STK3: variants seen among roughly 807,000 people sequenced by gnomAD.
The protein encoded by STK3 is serine/threonine-protein kinase 3.
Under a neutral mutation model 58.0 loss-of-function variants are expected in STK3, and 41 were observed. The ratio of observed to expected loss-of-function variants is 0.71; its 90% CI spans 0.55 to 0.92. The LOEUF (loss-of-function observed/expected upper bound fraction) is 0.92, where lower values mean the gene tolerates loss of function less well. STK3 is among the 40% of genes least tolerant of loss of function. The pLI is 0.00. For missense variants in STK3, 479 were observed against 602.7 expected (o/e 0.79, Z 2.15); for synonymous variants, 170 against 191.0 (o/e 0.89, Z 0.91).
intron 1 of STK3, among the ~76,000 whole-genome samples, chr8:98,803,593 CAAAAAAAAAAAAAAAGA>C (rs1365342365): frequency 5.1e-5 from 2 of 38,862 alleles, no homozygotes; most frequent in African/African-American, 1.3e-4. Context: ...GACTCTGTTT[CAAAAAAAAAAAAAAAGA>C]AAAAAAAAGA....
At chr8:98,478,102 G>A (rs1440027273) in intron 10 of STK3, among the ~76,000 whole-genome samples, 1 of 152,148 alleles carries the variant, frequency 6.6e-6, no homozygotes, top group Non-Finnish European at 1.5e-5. Flanking sequence ...GTCACATGCT[G>A]CTCTTTGTGA....
intron 8 of STK3, among the ~76,000 whole-genome samples, chr8:98,576,070 T>C (rs781034525): frequency 1.3e-5 from 2 of 152,336 alleles, no homozygotes; most frequent in South Asian, 2.1e-4. Context: ...ACTAAAAGGC[T>C]GCTGTATTTG....
chr8:98,828,450 AAAAAAAAAAAAAAAAC>A (rs1216047476), upstream of STK3, among the ~76,000 whole-genome samples: 4 of 150,232 alleles, frequency 2.7e-5, no homozygotes, highest in Non-Finnish European at 5.9e-5. Flanking sequence ...AAAAAAAAAA[AAAAAAAAAAAAAAAAC>A]AAAAGAAATA....
At chr8:98,766,375 A>G (rs1408615563) in intron 3 of STK3, among the ~76,000 whole-genome samples, 1 of 152,218 alleles carries the variant, frequency 6.6e-6, no homozygotes, top group Non-Finnish European at 1.5e-5. Flanking sequence ...TTAATTAGTA[A>G]AAGTGATTAC....
chr8:98,441,985 A>T (rs1818713377), intron 1 of STK3, among the ~76,000 whole-genome samples: 1 of 152,106 alleles, frequency 6.6e-6, no homozygotes, highest in African/African-American at 2.4e-5. Context: ...CTAAAATTCA[A>T]CATGTCCAAT....
the STK3 span, among the ~76,000 whole-genome samples, chr8:98,347,705 C>G: frequency 1.3e-5 from 2 of 151,974 alleles, no homozygotes; most frequent in Non-Finnish European, 2.9e-5. Flanking sequence ...CAGAGATTGT[C>G]AGAGTGGATA....
chr8:98,546,192 T>C (rs894993427), intron 9 of STK3, among the ~76,000 whole-genome samples: 8 of 152,190 alleles, frequency 5.3e-5, no homozygotes, highest in African/African-American at 1.7e-4. Flanking sequence ...GTCATACCTA[T>C]ACAATCAGTT....
chr8:98,484,079 T>TGAATTAAA (rs1822049422), intron 10 of STK3, among the ~76,000 whole-genome samples: 1 of 61,122 alleles, frequency 1.6e-5, no homozygotes, highest in Non-Finnish European at 3.7e-5. Flanking sequence ...TGTGCCACCA[T>TGAATTAAA]GACTTAAAGA....
intron 1 of STK3, among the ~76,000 whole-genome samples, chr8:98,920,890 C>CT (rs1048755207): frequency 6.6e-6 from 1 of 152,270 alleles, no homozygotes; most frequent in African/African-American, 2.4e-5. Flanking sequence ...AAAACTGCCT[C>CT]TTACAGGCAT....
chr8:98,386,567 A>G (rs949009589), intron 1 of STK3, among the ~76,000 whole-genome samples: 4 of 152,248 alleles, frequency 2.6e-5, no homozygotes, highest in Non-Finnish European at 5.9e-5. Flanking sequence ...TTTTAAACGC[A>G]GGATAACAAA....
chr8:98,862,457 A>G (rs1836971766), intron 3 of STK3, among the ~76,000 whole-genome samples: 1 of 152,246 alleles, frequency 6.6e-6, no homozygotes, highest in African/African-American at 2.4e-5. Flanking sequence ...CATTTTTTAC[A>G]CTGCCTGACC....
chr8:98,494,031 C>T (rs936291072), intron 10 of STK3, among the ~76,000 whole-genome samples: 5 of 152,100 alleles, frequency 3.3e-5, no homozygotes, highest in African/African-American at 4.8e-5. Context: ...TGCAACAATC[C>T]CCTTAATGAT....
chr8:98,904,823 A>G, intron 1 of STK3: 1 of 661,956 alleles, frequency 1.5e-6, no homozygotes, highest in South Asian at 1.4e-5. Flanking sequence ...TGGCAGCAGC[A>G]CAAGAACTTG....
At chr8:98,746,712 A>G (rs1829665943) in intron 4 of STK3, among the ~76,000 whole-genome samples, 1 of 152,218 alleles carries the variant, frequency 6.6e-6, no homozygotes, top group African/African-American at 2.4e-5. Flanking sequence ...TCACTAACCT[A>G]GAATTCTTTA....
intron 6 of STK3, among the ~76,000 whole-genome samples, chr8:98,690,351 T>C (rs1223170534): frequency 1.3e-5 from 2 of 150,790 alleles, no homozygotes; most frequent in African/African-American, 4.9e-5. Flanking sequence ...AGTCTCAGGA[T>C]ATAAAGTCAA....
intron 6 of STK3, among the ~76,000 whole-genome samples, chr8:98,676,354 G>T (rs1823209024): frequency 6.6e-6 from 1 of 152,150 alleles, no homozygotes; most frequent in African/African-American, 2.4e-5. Flanking sequence ...GCGGGGCGCG[G>T]TGGCTCACGC....
intron 6 of STK3, among the ~76,000 whole-genome samples, chr8:98,630,920 T>C (rs1329602589): frequency 6.6e-6 from 1 of 151,754 alleles, no homozygotes; most frequent in Non-Finnish European, 1.5e-5. Context: ...AAACATTTCT[T>C]TTTTTTTATT....
chr8:98,813,529 A>G (rs1834356527), intron 1 of STK3, among the ~76,000 whole-genome samples: 1 of 152,226 alleles, frequency 6.6e-6, no homozygotes, highest in Non-Finnish European at 1.5e-5. Flanking sequence ...ACTCTATCAT[A>G]CCATTTCCTC....
At chr8:98,780,735 AC>A (rs955919805) in intron 1 of STK3, among the ~76,000 whole-genome samples, 3 of 152,204 alleles carry the variant, frequency 2.0e-5, no homozygotes, top group African/African-American at 7.2e-5. Context: ...CCGGTAAGCA[AC>A]TGGATTTACA....
Sources: gnomAD v4.1 joint callset for allele counts (sites outside exome capture counted in the v4.1 genomes callset) on GRCh38, gnomAD v4.1.1 for gene constraint, MANE v1.5 for transcripts, NCBI Gene and HGNC (gene_info 2026-07-23, HGNC 2026-07-21) for gene names.